The following DLG2 variants were observed in gnomAD, a reference collection of about 807,000 sequenced individuals.
The protein encoded by DLG2 is disks large homolog 2.
In DLG2, 45 loss-of-function variants were observed where a neutral mutation model predicts 132.5. The ratio of observed to expected loss-of-function variants is 0.34; its 90% CI spans 0.27 to 0.44. The LOEUF is 0.44. Among genes scored for constraint, DLG2 ranks in the 20% least tolerant of loss-of-function variants. DLG2 has a pLI of 1.00. For missense variants in DLG2, 1,045 were observed against 1,196.9 expected (o/e 0.87, Z 1.87); for synonymous variants, 424 against 419.6 (o/e 1.01, Z -0.13).
chr11:85,445,405 C>T (rs182240274), intron 3 of DLG2, among the ~76,000 whole-genome samples: 33 of 152,252 alleles, frequency 2.2e-4, no homozygotes, highest in Admixed American at 9.8e-4. Flanking sequence ...TGGCCGGGCG[C>T]GGTGGCTCAT....
intron 15 of DLG2, among the ~76,000 whole-genome samples, chr11:83,898,042 A>C (rs1476613392): frequency 6.6e-6 from 1 of 152,168 alleles, no homozygotes; most frequent in African/African-American, 2.4e-5. Context: ...GCTTTTACCT[A>C]CTGTAAATGT....
intron 6 of DLG2, among the ~76,000 whole-genome samples, chr11:84,705,219 G>C (rs2059660770): frequency 6.6e-6 from 1 of 151,688 alleles, no homozygotes; most frequent in Non-Finnish European, 1.5e-5. Context: ...GGATGGAGAA[G>C]ACAATGGTGC....
chr11:83,546,796 C>T (rs969819348), intron 19 of DLG2, among the ~76,000 whole-genome samples: 1 of 152,014 alleles, frequency 6.6e-6, no homozygotes, highest in Non-Finnish European at 1.5e-5. Flanking sequence ...TATGGACTAG[C>T]CTGCAAAAAA....
intron 19 of DLG2, among the ~76,000 whole-genome samples, chr11:83,583,892 T>C (rs1045221446): frequency 6.6e-6 from 1 of 152,332 alleles, no homozygotes; most frequent in African/African-American, 2.4e-5. Flanking sequence ...TTTTGACACA[T>C]CTATTTCTTA....
intron 20 of DLG2, among the ~76,000 whole-genome samples, chr11:83,539,015 A>G (rs1239450834): frequency 6.6e-6 from 1 of 152,216 alleles, no homozygotes; most frequent in Non-Finnish European, 1.5e-5. Context: ...GGGCAATTTC[A>G]GGCACATTAA....
At chr11:84,888,365 A>G (rs1047786995) in intron 6 of DLG2, among the ~76,000 whole-genome samples, 2 of 152,112 alleles carry the variant, frequency 1.3e-5, no homozygotes, top group African/African-American at 4.8e-5. Flanking sequence ...GAGCTGGGCT[A>G]TCTATCTTTT....
intron 6 of DLG2, among the ~76,000 whole-genome samples, chr11:84,649,616 T>G (rs1400825540): frequency 6.6e-6 from 1 of 152,232 alleles, no homozygotes; most frequent in Non-Finnish European, 1.5e-5. Context: ...GTACTGCATT[T>G]TCAAAGGGGA....
At chr11:84,797,190 A>G (rs1275811361) in intron 6 of DLG2, among the ~76,000 whole-genome samples, 1 of 152,014 alleles carries the variant, frequency 6.6e-6, no homozygotes, top group Non-Finnish European at 1.5e-5. Flanking sequence ...TTTAATTTTT[A>G]AATGTCTTGA....
chr11:85,351,409 T>C (rs1255474836), intron 3 of DLG2, among the ~76,000 whole-genome samples: 1 of 152,202 alleles, frequency 6.6e-6, no homozygotes, highest in East Asian at 1.9e-4. Flanking sequence ...TATTTCCTGC[T>C]CTTGCCTGAT....
At chr11:84,984,683 C>G (rs1278573326) in intron 6 of DLG2, among the ~76,000 whole-genome samples, 1 of 151,952 alleles carries the variant, frequency 6.6e-6, no homozygotes, top group Non-Finnish European at 1.5e-5. Context: ...AAATGCTCCA[C>G]TTAAAAGATA....
chr11:84,076,077 T>C (rs2096826761), intron 10 of DLG2, among the ~76,000 whole-genome samples: 1 of 152,234 alleles, frequency 6.6e-6, no homozygotes, highest in African/African-American at 2.4e-5. Flanking sequence ...TTCATTTGAA[T>C]TCATCAATTT....
At chr11:83,629,322 G>T (rs527249303) in intron 19 of DLG2, among the ~76,000 whole-genome samples, 1 of 152,240 alleles carries the variant, frequency 6.6e-6, no homozygotes, top group East Asian at 1.9e-4. Context: ...CACAGCAACT[G>T]TTTCTTAAAT....
intron 15 of DLG2, among the ~76,000 whole-genome samples, chr11:83,876,416 T>C (rs1021817156): frequency 6.6e-6 from 1 of 152,048 alleles, no homozygotes; most frequent in Non-Finnish European, 1.5e-5. Flanking sequence ...GTGATAAATA[T>C]CAAATTAAAA....
At chr11:84,869,458 A>C (rs1257065119) in intron 6 of DLG2, among the ~76,000 whole-genome samples, 1 of 152,190 alleles carries the variant, frequency 6.6e-6, no homozygotes, top group Non-Finnish European at 1.5e-5. Context: ...TGGCTCTGTC[A>C]ATCTCTGAAA....
intron 6 of DLG2, among the ~76,000 whole-genome samples, chr11:84,884,141 T>C (rs1026017861): frequency 1.2e-4 from 19 of 152,272 alleles, no homozygotes; most frequent in Non-Finnish European, 2.5e-4. Context: ...TTAGGATATT[T>C]ACTCTCTTGC....
chr11:85,323,718 T>A (rs1163055213), intron 3 of DLG2, among the ~76,000 whole-genome samples: 2 of 152,202 alleles, frequency 1.3e-5, no homozygotes, highest in African/African-American at 2.4e-5. Flanking sequence ...GGAGGTGAAC[T>A]TTTTTAGCTC....
intron 17 of DLG2, among the ~76,000 whole-genome samples, chr11:83,789,155 A>T (rs1347565373): frequency 6.7e-6 from 1 of 149,386 alleles, no homozygotes; most frequent in Non-Finnish European, 1.5e-5. Flanking sequence ...GTAGATCTCC[A>T]TTCCATTACC....
intron 18 of DLG2, among the ~76,000 whole-genome samples, chr11:83,657,888 A>G (rs1160910671): frequency 6.6e-6 from 1 of 152,196 alleles, no homozygotes; most frequent in Non-Finnish European, 1.5e-5. Flanking sequence ...CATTGGGCCA[A>G]GAGAACACCA....
At chr11:85,552,990 A>G (rs974568325) in intron 3 of DLG2, among the ~76,000 whole-genome samples, 37 of 151,946 alleles carry the variant, frequency 2.4e-4, no homozygotes, top group African/African-American at 7.9e-4. Context: ...AATTAAAGAC[A>G]AAAATAAAAT....
Sources: gnomAD v4.1 joint callset for allele counts (sites outside exome capture counted in the v4.1 genomes callset) on GRCh38, gnomAD v4.1.1 for gene constraint, MANE v1.5 for transcripts, NCBI Gene and HGNC (gene_info 2026-07-23, HGNC 2026-07-21) for gene names.